DICER1: variants seen among roughly 807,000 people sequenced by gnomAD.
DICER1 encodes the protein dicer 1, ribonuclease III, also known as endoribonuclease Dicer.
Under a neutral mutation model 194.1 loss-of-function variants are expected in DICER1, and 43 were observed. That is an observed-to-expected ratio of 0.22 (90% CI 0.17 to 0.29). The LOEUF (loss-of-function observed/expected upper bound fraction) is 0.29, where lower values mean the gene tolerates loss of function less well. DICER1 is among the 10% of genes least tolerant of loss of function. The probability of loss-of-function intolerance (pLI) is 1.00; values close to 1 mark genes in which losing one functional copy is unlikely to be tolerated. For synonymous variants in DICER1, 832 were observed against 820.5 expected (o/e 1.01, Z -0.24); for missense variants, 1,608 against 2,317.0 (o/e 0.69, Z 6.28).
intron 21 of DICER1, among the ~76,000 whole-genome samples, chr14:95,101,678 A>G (rs1890890495): frequency 6.6e-6 from 1 of 152,138 alleles, no homozygotes; most frequent in Admixed American, 6.5e-5. Context: ...CCTCCAGTCC[A>G]CCTCAAGATC....
At chr14:95,127,627 T>C (rs1219466882) in intron 6 of DICER1, among the ~76,000 whole-genome samples, 1 of 152,244 alleles carries the variant, frequency 6.6e-6, no homozygotes, top group Non-Finnish European at 1.5e-5. Context: ...CAAGGTCAGA[T>C]ATGAAATGTT....
rs926249853 is a variant in DICER1 at position 95,086,672 on chromosome 14, A to C, written c.*3826T>G. 2 of 233,178 alleles carry C rather than the reference A, an allele frequency of 8.6e-6. No individual in the cohort carries two copies. The highest frequency in any genetic ancestry group is 4.4e-5 in the African/African-American group (2 of 45,342). 14.4% of individuals were successfully genotyped at this position (233,178 alleles called of 1,614,324 possible). On this transcript the variant is annotated 3_prime_UTR_variant, in exon 27 of 27. Coordinates refer to ENST00000343455, the MANE Select transcript of DICER1 (RefSeq NM_177438.3). ...AAAATCATTTTCACTGCTAGTGGAAAATACAATGGTCTCAATGCAAATTTC... is the reference window on the plus strand; with the variant it reads ...AAAATCATTTTCACTGCTAGTGGAACATACAATGGTCTCAATGCAAATTTC...
intron 24 of DICER1, among the ~76,000 whole-genome samples, chr14:95,093,277 A>G (rs1890008962): frequency 1.3e-5 from 2 of 152,222 alleles, no homozygotes; most frequent in Non-Finnish European, 2.9e-5. Context: ...ATGTTAAGAG[A>G]CTGGAAAGAT....
chr14:95,106,603 G>A (rs754157935), intron 17 of DICER1, among the ~76,000 whole-genome samples: 60 of 151,490 alleles, frequency 4.0e-4, no homozygotes, highest in Non-Finnish European at 6.8e-4. Flanking sequence ...CATATAAAAC[G>A]TATTACTGCA....
In DICER1 at chr14:95,094,688, TCTTAA is replaced by T. The variant is rs1320411940; in HGVS notation, c.5096-537_5096-533del. Among the ~76,000 whole-genome samples, 8 of 152,354 alleles carry T rather than the reference TCTTAA, an allele frequency of 5.3e-5. No homozygotes were observed. The East Asian group carries it at 1.2e-3, about 22-fold the overall frequency. On this transcript the variant is annotated intron_variant, in intron 23 of 26. Coordinates refer to ENST00000343455, the MANE Select transcript of DICER1 (RefSeq NM_177438.3). ...GGATGACAGGAAAAGAAGACCCTCT[TCTTAA>T]CTTGAGCTATTATAGAAATGAATTT...
rs1228210238 is a variant in DICER1, at chr14:95,124,682, A to G, written c.904-14T>C. On this transcript the variant is annotated splice_polypyrimidine_tract_variant and intron_variant, in intron 7 of 26. Coordinates refer to ENST00000343455, the MANE Select transcript of DICER1 (RefSeq NM_177438.3). The surrounding 1 kb of genome is among the most constrained non-coding windows in gnomAD (Gnocchi z 4.5). ...GTCTGATAGTATCTACAAAAAAAAG[A>G]AAAGAAAAAACCTAATGCCAAATAA... 3 of 1,594,520 alleles carry G rather than the reference A, an allele frequency of 1.9e-6. No homozygotes were observed. The African/African-American group carries it at 4.0e-5, about 21-fold the overall frequency.
intron 22 of DICER1, among the ~76,000 whole-genome samples, chr14:95,099,308 T>C (rs955590878): frequency 6.6e-6 from 1 of 152,168 alleles, no homozygotes; most frequent in Non-Finnish European, 1.5e-5. Flanking sequence ...ATGATTTTTT[T>C]TTTTTAAGTT....
intron 23 of DICER1, 149 bp from the exon 24 acceptor site, chr14:95,094,305 C>A: frequency 9.7e-7 from 1 of 1,028,834 alleles, no homozygotes; most frequent in Non-Finnish European, 1.4e-6. Flanking sequence ...ACATATCATA[C>A]TAAAAAGCCT....
chr14:95,146,596 T>C (rs973621793), intron 1 of DICER1, among the ~76,000 whole-genome samples: 12 of 152,142 alleles, frequency 7.9e-5, no homozygotes, highest in African/African-American at 2.9e-4. Context: ...TCATTCTTCT[T>C]GGATGCAGAA....
chr14:95,086,612 G>A lies in DICER1; in HGVS notation c.*3886C>T, dbSNP rs11556997. 3.9e-3 allele frequency: 906 copies of A among 233,206 alleles called. 6 individuals are homozygous for A. Among genetic ancestry groups the A allele is most frequent in the South Asian group, 0.015 (84 of 5,522 alleles). 14.4% of individuals were successfully genotyped at this position (233,206 alleles called of 1,614,324 possible). A position where few individuals can be genotyped will look rare whatever the true frequency, so the allele number is the denominator to read the frequency against. ...ATAAAAATGGACTAGAAAAAAAGAA[G>A]TAATGATTAAAATATATTTACAAGT... On this transcript the variant is annotated 3_prime_UTR_variant, in exon 27 of 27. Coordinates refer to ENST00000343455, the MANE Select transcript of DICER1 (RefSeq NM_177438.3).
chr14:95,098,771 T>G (rs993398972), intron 22 of DICER1, among the ~76,000 whole-genome samples: 1 of 152,258 alleles, frequency 6.6e-6, no homozygotes, highest in Non-Finnish European at 1.5e-5. Flanking sequence ...CGGACCTAAC[T>G]TGCATTAAAA....
intron 1 of DICER1, among the ~76,000 whole-genome samples, chr14:95,144,730 T>A (rs1260136545): frequency 6.6e-6 from 1 of 152,178 alleles, no homozygotes; most frequent in East Asian, 1.9e-4. Flanking sequence ...AACTCCTGAA[T>A]GGGGATCAGG....
Position 95,105,738 on chromosome 14 carries a change from C to A in DICER1, c.3033G>T (p.Ala1011=). 1.2e-6 allele frequency: 2 copies of A among 1,614,124 alleles called. No homozygotes were observed. ...TPRHLNQKGK[A]LPLSSAEKRK... ...TCTTCTCAGCACTGCTTAAAGGAAG[C>A]GCTTTCCCCTTCTGATTCAAATGTC... Residue 1011 remains alanine, a synonymous_variant, in exon 19 of 27, where the codon GCG becomes GCT. Transcript: ENST00000343455. This position sits in a 1 kb window ranked among gnomAD's most constrained non-coding sequence, Gnocchi z 4.9.
intron 17 of DICER1, among the ~76,000 whole-genome samples, chr14:95,107,000 T>C (rs1385616127): frequency 6.6e-6 from 1 of 152,112 alleles, no homozygotes; most frequent in East Asian, 1.9e-4. Flanking sequence ...TTTAAGCAAG[T>C]ATACTGGAGA....
rs778577287 is a variant in DICER1 at position 95,089,993 on chromosome 14, G to C, written c.*505C>G. 7.2e-6 allele frequency: 2 copies of C among 276,072 alleles called. No individual in the cohort carries two copies. The highest frequency in any genetic ancestry group is 9.5e-5 in the Admixed American group (2 of 21,012). 17.1% of individuals were successfully genotyped at this position (276,072 alleles called of 1,614,324 possible). ...TACACAGTATAACGTGGAAAGAAAA[G>C]ACAACATTGGCGCACTTCTCCTCTC... On this transcript the variant is annotated 3_prime_UTR_variant, in exon 27 of 27. Transcript: ENST00000343455.
At chr14:95,098,257 T>G (rs540747488) in intron 22 of DICER1, among the ~76,000 whole-genome samples, 3 of 152,344 alleles carry the variant, frequency 2.0e-5, no homozygotes, top group East Asian at 3.9e-4. Flanking sequence ...AACAGCCACA[T>G]GAAATCCTTT....
intron 6 of DICER1, 148 bp downstream of exon 6, chr14:95,129,324 T>C (rs1566810202): frequency 1.4e-6 from 1 of 704,022 alleles, no homozygotes; most frequent in Non-Finnish European, 2.4e-6. Context: ...TAATGGTACT[T>C]ATAGAGAATT....
chr14:95,100,637 C>G (rs1028753625), intron 21 of DICER1, among the ~76,000 whole-genome samples: 3 of 152,190 alleles, frequency 2.0e-5, no homozygotes, highest in Admixed American at 6.5e-5. Flanking sequence ...TTCTTAATTT[C>G]TCACATCATT....
chr14:95,100,034 AATCAATTAATTATATGTC>A (rs2139905587), intron 21 of DICER1, 99 bp from the exon 22 acceptor site: 3 of 1,310,868 alleles, frequency 2.3e-6, no homozygotes, highest in Non-Finnish European at 3.2e-6. Context: ...TCTTAAAATT[AATCAATTAATTATATGTC>A]ATCAATTAAT....
Sources: allele counts gnomAD v4.1 joint callset (sites outside exome capture counted in the v4.1 genomes callset), GRCh38; gene constraint gnomAD v4.1.1; non-coding constraint Gnocchi (gnomAD v3.1); transcripts MANE v1.5; gene names NCBI Gene and HGNC (gene_info 2026-07-23, HGNC 2026-07-21).